Variants in CDH8 observed in about 807,000 individuals in gnomAD.
The protein encoded by CDH8 is cadherin 8, also known as cadherin-8.
In CDH8, 17 loss-of-function variants were observed where a neutral mutation model predicts 68.1. That is an observed-to-expected ratio of 0.25 (90% CI 0.17 to 0.37). The LOEUF (loss-of-function observed/expected upper bound fraction) is 0.37, where lower values mean the gene tolerates loss of function less well. Among genes scored for constraint, CDH8 ranks in the 10% least tolerant of loss-of-function variants. The pLI, the probability that CDH8 is intolerant of heterozygous loss-of-function variation, is 1.00. For missense variants in CDH8, 763 were observed against 999.3 expected (o/e 0.76, Z 3.19); for synonymous variants, 372 against 365.1 (o/e 1.02, Z -0.21).
intron 2 of CDH8, among the ~76,000 whole-genome samples, chr16:61,969,137 C>G (rs1480397609): frequency 6.6e-6 from 1 of 152,080 alleles, no homozygotes; most frequent in Admixed American, 6.6e-5. Flanking sequence ...GTTAAAAAGC[C>G]CTATCTCTTT....
intron 2 of CDH8, among the ~76,000 whole-genome samples, chr16:62,013,557 G>A (rs1265306182): frequency 2.0e-5 from 3 of 152,060 alleles, no homozygotes; most frequent in Admixed American, 1.3e-4. Context: ...CACTCTGACT[G>A]TATCACACAT....
chr16:61,770,288 T>C (rs902990994), intron 8 of CDH8, among the ~76,000 whole-genome samples: 8 of 151,948 alleles, frequency 5.3e-5, no homozygotes, highest in Non-Finnish European at 1.0e-4. Context: ...TATCATTTAA[T>C]GTTACAGATC....
intron 8 of CDH8, among the ~76,000 whole-genome samples, chr16:61,739,734 A>AAAAGAAAAG (rs1959806664): frequency 7.0e-6 from 1 of 142,022 alleles, no homozygotes; most frequent in African/African-American, 2.6e-5. Context: ...CCTCAAAAAA[A>AAAAGAAAAG]AAAAGAAAAG....
At chr16:61,969,200 G>A (rs768418581) in intron 2 of CDH8, among the ~76,000 whole-genome samples, 5 of 152,278 alleles carry the variant, frequency 3.3e-5, no homozygotes, top group South Asian at 2.1e-4. Flanking sequence ...TAGAACTCCC[G>A]GTTCTCAGAG....
intron 6 of CDH8, chr16:61,818,117 G>A (rs542220894): frequency 9.5e-5 from 16 of 169,154 alleles, no homozygotes; most frequent in South Asian, 1.7e-4. Context: ...AGGCGACATC[G>A]AACACAATCT....
At chr16:61,752,907 C>T (rs1011608568) in intron 8 of CDH8, among the ~76,000 whole-genome samples, 1 of 152,098 alleles carries the variant, frequency 6.6e-6, no homozygotes, top group Non-Finnish European at 1.5e-5. Context: ...CTCTGAAAGC[C>T]CACTTACTTA....
chr16:61,737,638 G>A (rs1959735539), intron 8 of CDH8, among the ~76,000 whole-genome samples: 1 of 152,066 alleles, frequency 6.6e-6, no homozygotes, highest in South Asian at 2.1e-4. Context: ...CAAATCCATA[G>A]ATTATTAGAT....
At chr16:61,822,484 A>C (rs1962240234) in intron 5 of CDH8, among the ~76,000 whole-genome samples, 1 of 151,694 alleles carries the variant, frequency 6.6e-6, no homozygotes, top group African/African-American at 2.4e-5. Flanking sequence ...TTCTCATTCG[A>C]GCTCAAATCC....
At chr16:61,937,876 T>C (rs62052037) in intron 2 of CDH8, 1 of 152,278 alleles carries the variant, frequency 6.6e-6, no homozygotes, top group East Asian at 1.9e-4. Context: ...GGCACACCTG[T>C]TCCTAATTGC....
intron 8 of CDH8, among the ~76,000 whole-genome samples, chr16:61,781,221 TAAGCC>T (rs1223250774): frequency 2.0e-5 from 3 of 152,226 alleles, no homozygotes; most frequent in African/African-American, 7.2e-5. Context: ...AAATGTTTCT[TAAGCC>T]AAGCTCTGTG....
intron 2 of CDH8, among the ~76,000 whole-genome samples, chr16:61,946,971 T>C (rs1177614569): frequency 2.6e-5 from 4 of 152,204 alleles, no homozygotes; most frequent in African/African-American, 7.2e-5. Context: ...AATCAAACTG[T>C]GTGGTAACTA....
At chr16:61,801,114 A>G (rs1332671978) in intron 7 of CDH8, among the ~76,000 whole-genome samples, 1 of 152,200 alleles carries the variant, frequency 6.6e-6, no homozygotes, top group Non-Finnish European at 1.5e-5. Flanking sequence ...CAGAAAAAAA[A>G]AAGCTGATTT....
chr16:61,763,308 C>T (rs1386978211), intron 8 of CDH8, among the ~76,000 whole-genome samples: 2 of 152,130 alleles, frequency 1.3e-5, no homozygotes, highest in African/African-American at 4.8e-5. Context: ...TACCAGTATT[C>T]ACTCAGACCG....
intron 7 of CDH8, among the ~76,000 whole-genome samples, chr16:61,793,652 G>T (rs1961434315): frequency 6.6e-6 from 1 of 151,972 alleles, no homozygotes; most frequent in African/African-American, 2.4e-5. Context: ...CCAGTCTATT[G>T]TTGATGGGCA....
At chr16:61,827,882 C>G (rs1386285215) in intron 4 of CDH8, among the ~76,000 whole-genome samples, 1 of 151,752 alleles carries the variant, frequency 6.6e-6, no homozygotes, top group East Asian at 2.0e-4. Flanking sequence ...CTACTATTGA[C>G]CACAAACCTT....
chr16:61,727,295 G>T, intron 8 of CDH8, 80 bp from the exon 9 acceptor site: 1 of 1,415,718 alleles, frequency 7.1e-7, no homozygotes, highest in Non-Finnish European at 9.6e-7. Context: ...GAAAGCATGT[G>T]TGTCTGTTTC....
intron 10 of CDH8, among the ~76,000 whole-genome samples, chr16:61,670,085 A>G (rs1458700916): frequency 1.3e-5 from 2 of 151,838 alleles, no homozygotes; most frequent in East Asian, 1.9e-4. Flanking sequence ...ATCTCCTACA[A>G]TCTCTTTCTT....
At chr16:61,953,067 C>G (rs1964922566) in intron 2 of CDH8, among the ~76,000 whole-genome samples, 1 of 152,098 alleles carries the variant, frequency 6.6e-6, no homozygotes, top group Admixed American at 6.5e-5. Context: ...GATTAGTGCA[C>G]TAATATAAAA....
chr16:61,703,878 T>C (rs1302481370), intron 10 of CDH8, among the ~76,000 whole-genome samples: 3 of 152,180 alleles, frequency 2.0e-5, no homozygotes, highest in Non-Finnish European at 2.9e-5. Context: ...ATATTATATG[T>C]ATTGATATCA....
Sources: gnomAD v4.1 joint callset for allele counts (sites outside exome capture counted in the v4.1 genomes callset) on GRCh38, gnomAD v4.1.1 for gene constraint, MANE v1.5 for transcripts, NCBI Gene and HGNC (gene_info 2026-07-23, HGNC 2026-07-21) for gene names.